Variants in CABIN1 observed in about 807,000 individuals in gnomAD.
The protein encoded by CABIN1 is calcineurin-binding protein cabin-1.
Under a neutral mutation model 227.7 loss-of-function variants are expected in CABIN1, and 133 were observed. That is an observed-to-expected ratio of 0.58 (90% CI 0.51 to 0.67). The LOEUF is 0.67. CABIN1 is among the 30% of genes least tolerant of loss of function. CABIN1 has a pLI of 0.00. For missense variants in CABIN1, 2,408 were observed against 2,852.5 expected, an observed-to-expected ratio of 0.84 and a Z score of 3.55; for synonymous variants, 1,086 against 1,155.1, an observed-to-expected ratio of 0.94 and a Z score of 1.21.
chr22:24,053,796 T>C (rs2038559092), intron 8 of CABIN1, among the ~76,000 whole-genome samples: 1 of 152,122 alleles, frequency 6.6e-6, no homozygotes, highest in South Asian at 2.1e-4. Flanking sequence ...CTACAAGTGA[T>C]ACCAGGGGTA....
intron 5 of CABIN1, among the ~76,000 whole-genome samples, chr22:24,042,251 G>C (rs117586336): frequency 0.97 from 148,147 of 152,356 alleles, 72,073 homozygotes; most frequent in East Asian, 1. Flanking sequence ...CCAGGCCTGG[G>C]CATATTTTCT....
At chr22:24,162,924 C>T (rs1299367786) in intron 29 of CABIN1, among the ~76,000 whole-genome samples, 1 of 152,168 alleles carries the variant, frequency 6.6e-6, no homozygotes, top group Admixed American at 6.5e-5. Context: ...GGGTCTTCAG[C>T]GGGACGTACT....
intron 1 of CABIN1, among the ~76,000 whole-genome samples, chr22:24,031,696 A>G (rs2036509099): frequency 6.6e-6 from 1 of 152,196 alleles, no homozygotes; most frequent in Non-Finnish European, 1.5e-5. Context: ...GGTGAGCAGC[A>G]GAGAGTGGCT....
Position 24,056,328 on chromosome 22 carries a change from C to T in CABIN1, c.1230C>T (p.Phe410=), listed in dbSNP as rs1177003245. ...TKCKKEEKVD[F]QELLMKFLPS... is the part of the protein sequence containing the mutation. ...GCAAAAAAGAAGAGAAAGTAGACTTCCAGGAGCTTCTGATGAAGTTCTTGC... is the reference window on the plus strand; with the variant it reads ...GCAAAAAAGAAGAGAAAGTAGACTTTCAGGAGCTTCTGATGAAGTTCTTGC... The change falls in exon 10 of 37, where the codon TTC becomes TTT. Residue 410 remains phenylalanine, a synonymous_variant. Coordinates refer to ENST00000263119, the MANE Select transcript of CABIN1 (RefSeq NM_012295.4). 1 of 1,613,822 alleles carries T rather than the reference C, an allele frequency of 6.2e-7. No individual in the cohort carries two copies. The highest frequency in any genetic ancestry group is 1.3e-5 in the African/African-American group (1 of 74,894).
intron 29 of CABIN1, among the ~76,000 whole-genome samples, chr22:24,148,326 G>A (rs1432766623): frequency 6.6e-6 from 1 of 152,198 alleles, no homozygotes; most frequent in Non-Finnish European, 1.5e-5. Context: ...AGAGCCTGGG[G>A]CTACCCCAGA....
rs1457359135 is a variant in CABIN1, at chr22:24,063,929, C to T, written c.1885-106C>T. On this transcript the variant is annotated intron_variant, in intron 14 of 36. Transcript: ENST00000263119. ...GGTACAGTGTAATTGGTAAAAAACC[C>T]ACCCTCATGGCCTCCACAGTCTAGT... The T allele has an allele frequency of 3.3e-5, 48 of 1,443,390 alleles. 1 individual carries two copies. Among genetic ancestry groups the T allele is most frequent in the African/African-American group, 4.2e-5 (3 of 71,640 alleles). 89.4% of individuals were successfully genotyped at this position (1,443,390 alleles called of 1,614,324 possible).
At chr22:24,133,693 G>A (rs2044214839) in intron 28 of CABIN1, among the ~76,000 whole-genome samples, 3 of 152,172 alleles carry the variant, frequency 2.0e-5, no homozygotes, top group Admixed American at 2.0e-4. Flanking sequence ...AGGGAGGAGT[G>A]GCTGGCCAGG....
chr22:24,084,624 A>C lies in CABIN1; in HGVS notation c.2956A>C (p.Lys986Gln). Residue 986 changes from lysine to glutamine, a missense_variant, in exon 21 of 37, where the codon AAG becomes CAG. Lys to Gln is a moderately conservative substitution (Grantham distance 53). Transcript: ENST00000263119. ...EDALFMFEYF[K>Q]PKTLPEFDSY... ...TGCACTGTTCATGTTTGAGTATTTT[A>C]AGCCCAAGACCCTTCCTGAATTTGA... 6.2e-7 allele frequency: 1 copy of C among 1,613,990 alleles called. No homozygotes were observed. Among genetic ancestry groups the C allele is most frequent in the South Asian group, 1.1e-5 (1 of 91,078 alleles).
chr22:24,171,791 A>G lies in CABIN1; in HGVS notation c.5836A>G (p.Thr1946Ala), dbSNP rs952284825. 4 of 1,614,054 alleles carry G rather than the reference A, an allele frequency of 2.5e-6. No homozygotes were observed. The African/African-American group carries it at 4.0e-5, about 16-fold the overall frequency. Residue 1946 changes from threonine to alanine, a missense_variant, in exon 34 of 37, where the codon ACA becomes GCA. Physicochemically the swap from Thr to Ala is moderately conservative, Grantham distance 58. Around this residue, in one of 3 missense-constraint regions of CABIN1, gnomAD observed 714 missense variants for 773.8 expected, o/e 0.92. Transcript: ENST00000263119. ...CTTCTTTCCTGTGACAGTGGTGCCC[A>G]CAGCCCCTGACCCTGTGCCAGCTGA... is the stretch of plus-strand genomic sequence containing the variant. The part of the protein sequence containing the change: ...ENFFPVTVVP[T>A]APDPVPADSV...
At chr22:24,085,593 T>C (rs761669845) in intron 22 of CABIN1, among the ~76,000 whole-genome samples, 17 of 152,198 alleles carry the variant, frequency 1.1e-4, no homozygotes, top group Admixed American at 2.0e-4. Flanking sequence ...CAGAGTTCTC[T>C]TTTTTGCTCT....
In CABIN1 at chr22:24,177,788, A is replaced by G; in HGVS notation, c.6490A>G (p.Ile2164Val). Residue 2164 changes from isoleucine (I) to valine (V), a missense_variant, in exon 36 of 37, where the codon ATC (isoleucine) becomes GTC (valine). Ile to Val is a conservative substitution (Grantham distance 29). This residue lies in a region of CABIN1 where 714 missense variants were observed against 773.8 expected (regional missense o/e 0.92). Coordinates refer to ENST00000263119, the MANE Select transcript of CABIN1 (RefSeq NM_012295.4). This position sits in a 1 kb window ranked among gnomAD's most constrained non-coding sequence, Gnocchi z 4.4. ...TPTLLSPKGS[I>V]SEETKQKLKS... ...AACCCTGCTCTCCCCCAAAGGCAGC[A>G]TCTCGGAGGAGACCAAGCAGAAGCT... is the stretch of plus-strand genomic sequence containing the variant. 6.2e-7 allele frequency: 1 copy of G among 1,607,544 alleles called. No individual in the cohort carries two copies. Among genetic ancestry groups the G allele is most frequent in the South Asian group, 1.1e-5 (1 of 90,566 alleles).
chr22:24,147,879 G>A (rs992743478), intron 29 of CABIN1, among the ~76,000 whole-genome samples: 12 of 151,904 alleles, frequency 7.9e-5, no homozygotes, highest in African/African-American at 2.2e-4. Context: ...ACTTGCAAGC[G>A]GAGGTGTGGG....
rs1485564920 is a variant in CABIN1 at position 24,087,458 on chromosome 22, T to C, written c.3270T>C (p.Asp1090=). Residue 1090 remains aspartate, a synonymous_variant, in exon 23 of 37, where the codon GAT becomes GAC. Coordinates refer to ENST00000263119, the MANE Select transcript of CABIN1 (RefSeq NM_012295.4). ...GCTTTTGTTACCACCACAGGTTTGATTCCTGGGCAGGCATGGCTCTGGCCC... is the reference window on the plus strand; with the variant it reads ...GCTTTTGTTACCACCACAGGTTTGACTCCTGGGCAGGCATGGCTCTGGCCC... ...HDICICPNRF[D]SWAGMALARA... 6.2e-7 allele frequency: 1 copy of C among 1,613,974 alleles called. No individual in the cohort carries two copies. Among genetic ancestry groups the C allele is most frequent in the Admixed American group, 1.7e-5 (1 of 60,030 alleles).
intron 1 of CABIN1, among the ~76,000 whole-genome samples, chr22:24,012,246 G>T (rs1310661191): frequency 6.6e-6 from 1 of 152,004 alleles, no homozygotes; most frequent in African/African-American, 2.4e-5. Context: ...GACTAGCTGC[G>T]TCGCAATAAA....
chr22:24,043,700 C>T (rs1014371406), intron 6 of CABIN1, among the ~76,000 whole-genome samples: 1 of 152,060 alleles, frequency 6.6e-6, no homozygotes, highest in Non-Finnish European at 1.5e-5. Flanking sequence ...TGCAGTGAGT[C>T]GAGGTTGTGC....
At chr22:24,013,397 C>G (rs1040666281) in intron 1 of CABIN1, among the ~76,000 whole-genome samples, 11 of 151,712 alleles carry the variant, frequency 7.3e-5, no homozygotes, top group Non-Finnish European at 5.9e-5. Context: ...CGGAGTTTCA[C>G]CGTGTTAGCC....
chr22:24,170,971 T>C (rs2046777462), intron 33 of CABIN1, among the ~76,000 whole-genome samples: 1 of 152,150 alleles, frequency 6.6e-6, no homozygotes, highest in African/African-American at 2.4e-5. Context: ...AGACATGCTG[T>C]CAGGGCACTG....
chr22:24,027,937 C>T (rs962564913), intron 1 of CABIN1, among the ~76,000 whole-genome samples: 96 of 150,948 alleles, frequency 6.4e-4, no homozygotes, highest in African/African-American at 2.3e-3. Flanking sequence ...GGTCTACTGG[C>T]AGGTTTTTTT....
intron 26 of CABIN1, chr22:24,102,913 A>G (rs2042293928): frequency 6.6e-6 from 1 of 152,408 alleles, no homozygotes; most frequent in Non-Finnish European, 1.5e-5. Flanking sequence ...ATCCATCCTC[A>G]ACCTCCATGC....
Sources: gnomAD v4.1 joint callset for allele counts (sites outside exome capture counted in the v4.1 genomes callset) on GRCh38, gnomAD v4.1.1 for gene constraint, gnomAD v4.1.1 regional missense constraint, Gnocchi (gnomAD v3.1) non-coding constraint, MANE v1.5 for transcripts, NCBI Gene and HGNC (gene_info 2026-07-23, HGNC 2026-07-21) for gene names.